Variants in WASF1 observed in about 807,000 individuals in gnomAD.
The protein encoded by WASF1 is actin-binding protein WASF1.
In WASF1, 7 loss-of-function variants were observed where a neutral mutation model predicts 50.5. The ratio of observed to expected loss-of-function variants is 0.14; its 90% CI spans 0.08 to 0.26. The LOEUF (loss-of-function observed/expected upper bound fraction) is 0.26, where lower values mean the gene tolerates loss of function less well. WASF1 is among the 10% of genes least tolerant of loss of function. The probability of loss-of-function intolerance (pLI) is 1.00; values close to 1 mark genes in which losing one functional copy is unlikely to be tolerated. For synonymous variants in WASF1, 205 were observed against 244.0 expected (o/e 0.84, Z 1.49); for missense variants, 470 against 694.7 (o/e 0.68, Z 3.64).
At chr6:110,120,439 A>G (rs1774044803) in intron 4 of WASF1, among the ~76,000 whole-genome samples, 1 of 152,154 alleles carries the variant, frequency 6.6e-6, no homozygotes, top group South Asian at 2.1e-4. Context: ...ATTCACAATT[A>G]CTACAAAGAG....
intron 4 of WASF1, among the ~76,000 whole-genome samples, chr6:110,121,967 A>G (rs575731216): frequency 1.1e-4 from 17 of 149,816 alleles, no homozygotes; most frequent in Non-Finnish European, 2.2e-4. Flanking sequence ...TCTCACTCCT[A>G]GGTGGGAATT....
intron 3 of WASF1, among the ~76,000 whole-genome samples, chr6:110,152,411 T>A (rs889544343): frequency 2.0e-5 from 3 of 152,226 alleles, no homozygotes; most frequent in African/African-American, 7.2e-5. Context: ...ATTCTGTTAT[T>A]ATTTCATATA....
intron 3 of WASF1, among the ~76,000 whole-genome samples, chr6:110,151,627 CTTTATA>C (rs139649242): frequency 0.012 from 1,863 of 152,206 alleles, 26 homozygotes; most frequent in African/African-American, 0.043. Flanking sequence ...TTAAATACTA[CTTTATA>C]TTTGTAGACA....
chr6:110,140,834 G>C (rs957241375), intron 3 of WASF1, among the ~76,000 whole-genome samples: 4 of 152,158 alleles, frequency 2.6e-5, no homozygotes, highest in Non-Finnish European at 4.4e-5. Flanking sequence ...CATAGCTACT[G>C]TGACATAGTG....
At chr6:110,120,605 T>C (rs549472199) in intron 4 of WASF1, among the ~76,000 whole-genome samples, 1 of 152,278 alleles carries the variant, frequency 6.6e-6, no homozygotes, top group South Asian at 2.1e-4. Context: ...AAAATGGCCA[T>C]ACTACCCAAG....
At chr6:110,150,610 G>A (rs759876770) in intron 3 of WASF1, among the ~76,000 whole-genome samples, 2 of 152,120 alleles carry the variant, frequency 1.3e-5, no homozygotes, top group African/African-American at 2.4e-5. Context: ...AGCAAGTTGA[G>A]AATAAGAGAG....
At chr6:110,141,184 C>T (rs1775217089) in intron 3 of WASF1, among the ~76,000 whole-genome samples, 1 of 152,164 alleles carries the variant, frequency 6.6e-6, no homozygotes. Flanking sequence ...CAAAATCAAA[C>T]CCTTCCTTGG....
intron 4 of WASF1, among the ~76,000 whole-genome samples, chr6:110,120,676 GA>G (rs1774067947): frequency 6.6e-6 from 1 of 152,058 alleles, no homozygotes; most frequent in Non-Finnish European, 1.5e-5. Flanking sequence ...CACAGAATTG[GA>G]AAAAACTACT....
intron 3 of WASF1, among the ~76,000 whole-genome samples, chr6:110,148,089 G>A (rs769397144): frequency 1.4e-4 from 21 of 152,148 alleles, no homozygotes; most frequent in Admixed American, 4.6e-4. Context: ...TAAAATTGAA[G>A]TTTGAGGCAT....
intron 5 of WASF1, among the ~76,000 whole-genome samples, chr6:110,112,835 G>A (rs1457788373): frequency 1.3e-5 from 2 of 150,376 alleles, no homozygotes; most frequent in South Asian, 2.1e-4. Flanking sequence ...GGGAGGTGGA[G>A]GTTGCAGTGA....
intron 8 of WASF1, among the ~76,000 whole-genome samples, chr6:110,104,310 T>C (rs1048446176): frequency 3.9e-5 from 6 of 152,164 alleles, no homozygotes; most frequent in African/African-American, 1.4e-4. Flanking sequence ...ATTACTCAAC[T>C]GTAGTAGAAA....
intron 2 of WASF1, among the ~76,000 whole-genome samples, chr6:110,178,217 C>T (rs569512327): frequency 3.2e-4 from 49 of 152,146 alleles, no homozygotes; most frequent in African/African-American, 1.2e-3. Flanking sequence ...AAAACAAATA[C>T]AAAACTTTTC....
rs1262069528 is a variant in WASF1, at chr6:110,142,347, G to C, written c.-28-14718C>G. Among the ~76,000 whole-genome samples the C allele has an allele frequency of 5.3e-5, 8 of 152,078 alleles. No individual in the cohort carries two copies. The East Asian group carries it at 1.5e-3, about 29-fold the overall frequency. ...CATTGTGATTAAAATAGTGCCTTTAGGTACAATGCAAAAGCTTTTTAGAGA... is the reference window on the plus strand; with the variant it reads ...CATTGTGATTAAAATAGTGCCTTTACGTACAATGCAAAAGCTTTTTAGAGA... On this transcript the variant is annotated intron_variant, in intron 3 of 10. Coordinates refer to ENST00000392589, the MANE Select transcript of WASF1 (RefSeq NM_003931.3).
intron 2 of WASF1, among the ~76,000 whole-genome samples, chr6:110,176,207 A>AT (rs1482300912): frequency 5.3e-5 from 8 of 152,092 alleles, no homozygotes; most frequent in African/African-American, 9.6e-5. Flanking sequence ...GGGGTCATTT[A>AT]TTTTTAACAA....
intron 3 of WASF1, among the ~76,000 whole-genome samples, chr6:110,147,633 G>T (rs1237837810): frequency 6.6e-6 from 1 of 152,116 alleles, no homozygotes; most frequent in Non-Finnish European, 1.5e-5. Context: ...ATTTTCTTAT[G>T]TGATTCCATG....
rs759886996 is a variant in WASF1 at position 110,105,449 on chromosome 6, T to C, written c.671A>G (p.His224Arg). Residue 224 changes from histidine to arginine, a missense_variant, in exon 8 of 11, where the codon CAT (histidine) becomes CGT (arginine). Physicochemically the swap from His to Arg is conservative, Grantham distance 29. Transcript: ENST00000392589. ...AEDDANLLHK[H>R]IEVANGPASH... The stretch of plus-strand genomic sequence containing the variant: ...GGCTGGGCCATTAGCAACTTCAATA[T>C]GCTTATGTAAGAGATTAGCATCATC... 8 of 1,613,196 alleles carry C rather than the reference T, an allele frequency of 5.0e-6. No individual in the cohort carries two copies. Among genetic ancestry groups the C allele is most frequent in the Non-Finnish European group, 6.8e-6 (8 of 1,179,742 alleles).
At chr6:110,139,786 A>G (rs964308512) in intron 3 of WASF1, among the ~76,000 whole-genome samples, 2 of 152,184 alleles carry the variant, frequency 1.3e-5, no homozygotes, top group African/African-American at 2.4e-5. Flanking sequence ...CTGAGCCTAT[A>G]TATACTATGT....
intron 3 of WASF1, among the ~76,000 whole-genome samples, chr6:110,151,316 C>A (rs79592511): frequency 0.033 from 5,003 of 152,240 alleles, 148 homozygotes; most frequent in South Asian, 0.12. Flanking sequence ...GCAAAACTAA[C>A]CACATTTCAT....
intron 2 of WASF1, among the ~76,000 whole-genome samples, chr6:110,170,155 G>A (rs1319259780): frequency 6.6e-6 from 1 of 152,092 alleles, no homozygotes; most frequent in Non-Finnish European, 1.5e-5. Flanking sequence ...GATATGCTAA[G>A]AGAGGAGAGA....
Sources: allele counts gnomAD v4.1 joint callset (sites outside exome capture counted in the v4.1 genomes callset), GRCh38; gene constraint gnomAD v4.1.1; transcripts MANE v1.5; gene names NCBI Gene and HGNC (gene_info 2026-07-23, HGNC 2026-07-21).